Variants in TTC28 observed in about 807,000 individuals in gnomAD.
The protein encoded by TTC28 is tetratricopeptide repeat protein 28.
Under a neutral mutation model 198.0 loss-of-function variants are expected in TTC28, and 61 were observed. That is an observed-to-expected ratio of 0.31 (90% CI 0.25 to 0.38). The LOEUF (loss-of-function observed/expected upper bound fraction) is 0.38, where lower values mean the gene tolerates loss of function less well. Among genes scored for constraint, TTC28 ranks in the 10% least tolerant of loss-of-function variants. The probability of loss-of-function intolerance (pLI) is 1.00; values close to 1 mark genes in which losing one functional copy is unlikely to be tolerated. For missense variants in TTC28, 2,678 were observed against 3,164.0 expected (o/e 0.85, Z 3.69); for synonymous variants, 1,171 against 1,297.8 (o/e 0.90, Z 2.10).
chr22:28,058,179 G>A (rs1940369361), intron 12 of TTC28, among the ~76,000 whole-genome samples: 1 of 151,866 alleles, frequency 6.6e-6, no homozygotes, highest in Non-Finnish European at 1.5e-5. Context: ...CAGTAGTGTT[G>A]TGGCATGAGA....
At chr22:28,549,934 T>A (rs2049629038) in intron 2 of TTC28, among the ~76,000 whole-genome samples, 1 of 152,206 alleles carries the variant, frequency 6.6e-6, no homozygotes, top group Non-Finnish European at 1.5e-5. Context: ...AATTGAAAAG[T>A]CAAAGCTTTT....
chr22:28,096,367 T>A lies in TTC28; in HGVS notation c.3589A>T (p.Thr1197Ser). The change falls in exon 11 of 23, where the codon ACA becomes TCA. Residue 1197 changes from threonine to serine, a missense_variant. Physicochemically the swap from Thr to Ser is moderately conservative, Grantham distance 58. Transcript: ENST00000397906. ...EALAVAERGR[T>S]RAFADLLVER... Reference sequence around the variant, plus strand: ...ACCAGAAGATCAGCAAATGCCCTTGTCCGTCCCCTTTCTGCCACAGCCAGG... The same window carrying A: ...ACCAGAAGATCAGCAAATGCCCTTGACCGTCCCCTTTCTGCCACAGCCAGG... 6.4e-7 allele frequency: 1 copy of A among 1,551,864 alleles called. No individual in the cohort carries two copies.
At chr22:28,594,472 T>C (rs1221496404) in intron 2 of TTC28, among the ~76,000 whole-genome samples, 2 of 149,838 alleles carry the variant, frequency 1.3e-5, no homozygotes, top group African/African-American at 2.5e-5. Context: ...AGCAAGCCAC[T>C]GTTAGGATTT....
At chr22:28,572,966 C>T (rs908040755) in intron 2 of TTC28, among the ~76,000 whole-genome samples, 1 of 151,956 alleles carries the variant, frequency 6.6e-6, no homozygotes, top group Non-Finnish European at 1.5e-5. Flanking sequence ...CTGAGCAACA[C>T]AGGGAGACCC....
intron 2 of TTC28, among the ~76,000 whole-genome samples, chr22:28,532,482 A>G (rs1326110004): frequency 6.6e-6 from 1 of 152,206 alleles, no homozygotes; most frequent in Non-Finnish European, 1.5e-5. Flanking sequence ...AGTGGTACAA[A>G]GAGGAGCTGG....
At chr22:28,031,213 C>T (rs1164960671) in intron 12 of TTC28, among the ~76,000 whole-genome samples, 5 of 152,250 alleles carry the variant, frequency 3.3e-5, no homozygotes, top group East Asian at 3.9e-4. Context: ...GTGGGAGTGC[C>T]GCCAGCCTGC....
intron 2 of TTC28, among the ~76,000 whole-genome samples, chr22:28,591,674 A>G (rs1354350345): frequency 6.6e-6 from 1 of 152,212 alleles, no homozygotes; most frequent in Non-Finnish European, 1.5e-5. Flanking sequence ...CACCTTATAT[A>G]GATGTAGTAA....
At chr22:28,609,124 C>T (rs2050778875) in intron 2 of TTC28, among the ~76,000 whole-genome samples, 1 of 151,904 alleles carries the variant, frequency 6.6e-6, no homozygotes, top group Admixed American at 6.6e-5. Flanking sequence ...ACTAAATTAG[C>T]CATTAAAAAC....
chr22:28,445,399 G>A (rs1601407478), intron 2 of TTC28, among the ~76,000 whole-genome samples: 1 of 152,132 alleles, frequency 6.6e-6, no homozygotes, highest in East Asian at 1.9e-4. Flanking sequence ...GGTTCTCCAG[G>A]AATTACCAAG....
chr22:28,199,548 T>TATATATATATATATAC (rs60177369), intron 5 of TTC28, among the ~76,000 whole-genome samples: 10 of 147,432 alleles, frequency 6.8e-5, no homozygotes, highest in African/African-American at 1.0e-4. Context: ...TATATATATA[T>TATATATATATATATAC]ACACACAAAC....
chr22:28,475,136 C>T lies in TTC28; in HGVS notation c.381+154416G>A, dbSNP rs1171017115. On this transcript the variant is annotated intron_variant, in intron 2 of 22. Coordinates refer to ENST00000397906, the MANE Select transcript of TTC28 (RefSeq NM_001145418.2). The stretch of plus-strand genomic sequence containing the variant: ...CTGCACTCCAGCCTGGGTGACAGAG[C>T]GAGACTCCATCTCAAAAAAAAAAAA... 9.5e-5 allele frequency among the ~76,000 whole-genome samples: 10 copies of T among 105,820 alleles called. 1 individual carries two copies. The highest frequency in any genetic ancestry group is 8.6e-5 in the Non-Finnish European group (5 of 58,176). 69.4% of individuals were successfully genotyped at this position (105,820 alleles called of 152,430 possible).
chr22:28,003,670 G>A (rs1049507314), intron 14 of TTC28, among the ~76,000 whole-genome samples: 1 of 152,230 alleles, frequency 6.6e-6, no homozygotes, highest in Admixed American at 6.5e-5. Flanking sequence ...TTGGCAAGCT[G>A]AAAAATGGAG....
chr22:28,343,698 T>C (rs1459473178), intron 2 of TTC28, among the ~76,000 whole-genome samples: 2 of 152,206 alleles, frequency 1.3e-5, no homozygotes, highest in Admixed American at 1.3e-4. Flanking sequence ...AAAACATCTA[T>C]AAACATCTAC....
At chr22:28,567,217 GAAAAAAAAAA>G (rs962703897) in intron 2 of TTC28, among the ~76,000 whole-genome samples, 1 of 83,064 alleles carries the variant, frequency 1.2e-5, no homozygotes, top group African/African-American at 4.6e-5. Context: ...CTCCATCTCG[GAAAAAAAAAA>G]AAAAAAAAAA....
intron 2 of TTC28, among the ~76,000 whole-genome samples, chr22:28,444,896 G>A (rs769440788): frequency 5.3e-5 from 8 of 152,108 alleles, no homozygotes; most frequent in South Asian, 2.1e-4. Context: ...AACTGCAGGC[G>A]GCAGTCACAA....
chr22:28,094,125 A>T lies in TTC28; in HGVS notation c.3887T>A (p.Ile1296Asn), dbSNP rs1183405419. 1 of 1,551,390 alleles carries T rather than the reference A, an allele frequency of 6.4e-7. No homozygotes were observed. Among genetic ancestry groups the T allele is most frequent in the Non-Finnish European group, 8.7e-7 (1 of 1,146,858 alleles). ...CCCCAGGGCCTCCCGGACACTGGCA[A>T]TGTGCTGCTCCAGGGCTGAGCCGGT... is the stretch of plus-strand genomic sequence containing the variant. Reference protein sequence around the residue: ...TATGSALEQHIASVREALGVE... With the variant: ...TATGSALEQHNASVREALGVE... Residue 1296 changes from isoleucine (I) to asparagine (N), a missense_variant, in exon 12 of 23, where the codon ATT (isoleucine) becomes AAT (asparagine). By Grantham distance (149) the Ile-to-Asn change is moderately radical. Around this residue, in one of 8 missense-constraint regions of TTC28, gnomAD observed 727 missense variants for 861.9 expected, o/e 0.84. Coordinates refer to ENST00000397906, the MANE Select transcript of TTC28 (RefSeq NM_001145418.2).
At chr22:28,167,558 C>G (rs1922146313) in intron 5 of TTC28, among the ~76,000 whole-genome samples, 3 of 152,062 alleles carry the variant, frequency 2.0e-5, no homozygotes, top group Admixed American at 2.0e-4. Flanking sequence ...TAAACAGAAC[C>G]AAAGAAAAAA....
chr22:28,542,726 T>A (rs150704887), intron 2 of TTC28, among the ~76,000 whole-genome samples: 3 of 152,094 alleles, frequency 2.0e-5, no homozygotes, highest in Non-Finnish European at 4.4e-5. Context: ...AGAAAAGATT[T>A]TGAAGTAGTT....
intron 15 of TTC28, chr22:27,999,563 G>C: frequency 2.8e-6 from 1 of 360,182 alleles, no homozygotes; most frequent in Non-Finnish European, 5.1e-6. Context: ...GTGGAACCCA[G>C]GACAGCCAGC....
Sources: allele counts gnomAD v4.1 joint callset (sites outside exome capture counted in the v4.1 genomes callset), GRCh38; gene constraint gnomAD v4.1.1; regional missense constraint gnomAD v4.1.1; transcripts MANE v1.5; gene names NCBI Gene and HGNC (gene_info 2026-07-23, HGNC 2026-07-21).